TPO: variants seen among roughly 807,000 people sequenced by gnomAD.
TPO encodes the protein thyroid microsomal antigen.
TPO carries 78 observed loss-of-function variants against 96.9 expected under a neutral mutation model. The ratio of observed to expected loss-of-function variants is 0.81; its 90% CI spans 0.67 to 0.97. The LOEUF (loss-of-function observed/expected upper bound fraction) is 0.97, where lower values mean the gene tolerates loss of function less well. TPO is among the 50% of genes least tolerant of loss of function. TPO has a pLI of 0.00. For missense variants in TPO, 1,252 were observed against 1,274.8 expected, an observed-to-expected ratio of 0.98 and a Z score of 0.27; for synonymous variants, 547 against 538.0, an observed-to-expected ratio of 1.02 and a Z score of -0.23.
At chr2:1,541,057 TTAAA>T in intron 16 of TPO, 1 of 1,265,556 alleles carries the variant, frequency 7.9e-7, no homozygotes, top group Non-Finnish European at 1.0e-6. Flanking sequence ...ACCCTGACTT[TTAAA>T]TTCTGATTTT....
chr2:1,386,893 T>G (rs1373099434), intron 1 of TPO, among the ~76,000 whole-genome samples: 2 of 152,228 alleles, frequency 1.3e-5, no homozygotes, highest in Non-Finnish European at 2.9e-5. Context: ...AGGAACTCTT[T>G]TAGGGCAGGC....
At chr2:1,525,185 CGCCCAAGTCCCCCCACTGTGCAACCT>C (rs1558406748) in intron 15 of TPO, among the ~76,000 whole-genome samples, 1 of 131,216 alleles carries the variant, frequency 7.6e-6, no homozygotes, top group Non-Finnish European at 1.7e-5. Context: ...GTGTGCAATC[CGCCCAAGTCCCCCCACTGTGCAACCT>C]GCTCAAATCC....
Position 1,415,636 on chromosome 2 carries a change from C to G in TPO, c.94+1134C>G, listed in dbSNP as rs557531184. Among the ~76,000 whole-genome samples the G allele has an allele frequency of 5.3e-5, 8 of 151,370 alleles. No individual in the cohort carries two copies. The South Asian group carries it at 1.7e-3, about 32-fold the overall frequency. On this transcript the variant is annotated intron_variant, in intron 2 of 16. Coordinates refer to ENST00000329066, the MANE Select transcript of TPO (RefSeq NM_001206744.2). ...AGGTCCCTGGGCCTCTGCACATAGT[C>G]CCGGAGCCCCTGGAGCAGGTGACAC...
rs1222674096 is a variant in TPO, at chr2:1,496,179, A to AGG, written c.2199_2200dup (p.Glu734GlyfsTer65). The stretch of plus-strand genomic sequence containing the variant: ...CACTGGCATGAACCTGGAGGCCTGG[A>AGG]GGGAAACCTTTCCTCAAGGTGAAGT... On this transcript the variant is annotated frameshift_variant, in exon 12 of 17. Coordinates refer to ENST00000329066, the MANE Select transcript of TPO (RefSeq NM_001206744.2). LOFTEE classifies it high-confidence loss of function. 3 of 1,613,950 alleles carry AGG rather than the reference A, an allele frequency of 1.9e-6. No individual in the cohort carries two copies. The highest frequency in any genetic ancestry group is 1.7e-6 in the Non-Finnish European group (2 of 1,180,018).
intron 13 of TPO, among the ~76,000 whole-genome samples, chr2:1,503,159 TC>T (rs1673044394): frequency 6.6e-6 from 1 of 152,144 alleles, no homozygotes; most frequent in South Asian, 2.1e-4. Flanking sequence ...TCTAGGGATG[TC>T]GTCAGCACCA....
chr2:1,484,974 G>T (rs1185509547), intron 9 of TPO, 120 bp downstream of exon 9: 8 of 1,463,508 alleles, frequency 5.5e-6, no homozygotes, highest in South Asian at 1.3e-5. Context: ...TGTTACGTAG[G>T]GTATACATGT....
rs543921082 is a variant in TPO at position 1,497,991 on chromosome 2, C to CAAAAAAAAAAAA, written c.2386+1236_2386+1247dup. On this transcript the variant is annotated intron_variant, in intron 13 of 16. Transcript: ENST00000329066. ...AGAAAAATAGTGAAACCCCATCTAC[C>CAAAAAAAAAAAA]AAAAAAAAAAAAAAAAAAAAAGTGG... Among the ~76,000 whole-genome samples the CAAAAAAAAAAAA allele has an allele frequency of 2.8e-4, 24 of 87,264 alleles. 1 individual carries two copies. Among genetic ancestry groups the CAAAAAAAAAAAA allele is most frequent in the African/African-American group, 1.0e-3 (22 of 21,142 alleles). 57.2% of individuals were successfully genotyped at this position (87,264 alleles called of 152,430 possible).
rs775265404 is a variant in TPO, at chr2:1,477,370, G to A, written c.1104G>A (p.Pro368=). The change falls in exon 8 of 17, where the codon CCG becomes CCA. Residue 368 remains proline, a synonymous_variant. Coordinates refer to ENST00000329066, the MANE Select transcript of TPO (RefSeq NM_001206744.2). ...DSGRAYLPFV[P]PRAPAACAPE... ...GCCGCGCCTACCTGCCCTTCGTGCC[G>A]CCACGCGCGCCTGCGGCCTGTGCGC... 3.9e-6 allele frequency: 6 copies of A among 1,534,306 alleles called. No homozygotes were observed. In the African/African-American group the frequency reaches 6.9e-5, roughly 18 times the overall value.
At chr2:1,505,473 C>A (rs1480723049) in intron 14 of TPO, among the ~76,000 whole-genome samples, 1 of 94,792 alleles carries the variant, frequency 1.1e-5, no homozygotes, top group Non-Finnish European at 2.0e-5. Context: ...CTGTGTCAGG[C>A]GCATCCCCCC....
At chr2:1,439,924 G>A (rs924240167) in intron 5 of TPO, among the ~76,000 whole-genome samples, 3 of 152,082 alleles carry the variant, frequency 2.0e-5, no homozygotes, top group Admixed American at 1.3e-4. Context: ...CCTAACTTTT[G>A]CCTTGCTCAG....
At chr2:1,411,831 C>T (rs1310216413), upstream of TPO, among the ~76,000 whole-genome samples, 1 of 152,212 alleles carries the variant, frequency 6.6e-6, no homozygotes, top group Admixed American at 6.5e-5. Context: ...TGTGCTAACA[C>T]TAAGGCCAGT....
chr2:1,503,827 T>A (rs1673123786), intron 13 of TPO, 121 bp from the exon 14 acceptor site: 1 of 1,572,046 alleles, frequency 6.4e-7, no homozygotes, highest in East Asian at 2.3e-5. Flanking sequence ...CTAGACCAGG[T>A]GGGATGGCAG....
rs568907974 is a variant in TPO at position 1,488,494 on chromosome 2, G to A, written c.1768+503G>A. ...CCCCTGTGCTCCCCACACCCCACCC[G>A]GCTCCTGCCTTTCCCAGGCCCCACC... On this transcript the variant is annotated intron_variant, in intron 10 of 16. Coordinates refer to ENST00000329066, the MANE Select transcript of TPO (RefSeq NM_001206744.2). 3.2e-4 allele frequency among the ~76,000 whole-genome samples: 48 copies of A among 151,924 alleles called. No homozygotes were observed. In the South Asian group the frequency reaches 7.3e-3, roughly 23 times the overall value.
At chr2:1,415,045 G>T (rs1405399095) in intron 2 of TPO, among the ~76,000 whole-genome samples, 1 of 152,240 alleles carries the variant, frequency 6.6e-6, no homozygotes, top group Non-Finnish European at 1.5e-5. Context: ...CCGGGAGCAG[G>T]TGACACCTCG....
intron 5 of TPO, among the ~76,000 whole-genome samples, chr2:1,450,320 T>C (rs1211840900): frequency 1.1e-4 from 16 of 152,176 alleles, no homozygotes; most frequent in Non-Finnish European, 2.4e-4. Context: ...GTTTAGAATT[T>C]CTTCTTTTTG....
chr2:1,444,487 G>A (rs1294379563), intron 5 of TPO, among the ~76,000 whole-genome samples: 6 of 82,538 alleles, frequency 7.3e-5, no homozygotes, highest in African/African-American at 2.9e-4. Context: ...AGGAGGTACT[G>A]TGTTGGAAGG....
rs78137438 is a variant in TPO at position 1,429,510 on chromosome 2, G to A, written c.180-3928G>A. On this transcript the variant is annotated intron_variant, in intron 3 of 16. Coordinates refer to ENST00000329066, the MANE Select transcript of TPO (RefSeq NM_001206744.2). ...TGGCTTTGGAACTGTGTAATGGCAG[G>A]GGTTGGAAGAGTTTGGAGGGCTGAG... 9.8e-3 allele frequency among the ~76,000 whole-genome samples: 1,496 copies of A among 152,300 alleles called. 13 individuals are homozygous for A. The highest frequency in any genetic ancestry group is 0.034 in the African/African-American group (1,416 of 41,544).
At chr2:1,504,922 C>T (rs1011203468) in intron 14 of TPO, among the ~76,000 whole-genome samples, 1 of 152,120 alleles carries the variant, frequency 6.6e-6, no homozygotes, top group African/African-American at 2.4e-5. Flanking sequence ...CAGAAAGAAC[C>T]AAGTGCAAGG....
chr2:1,380,123 G>A (rs770794425), intron 1 of TPO, among the ~76,000 whole-genome samples: 3 of 152,044 alleles, frequency 2.0e-5, no homozygotes, highest in Admixed American at 1.3e-4. Flanking sequence ...GGCCAGGTGC[G>A]GTGGCTCACG....
Sources: gnomAD v4.1 joint callset for allele counts (sites outside exome capture counted in the v4.1 genomes callset) on GRCh38, gnomAD v4.1.1 for gene constraint, MANE v1.5 for transcripts, NCBI Gene and HGNC (gene_info 2026-07-23, HGNC 2026-07-21) for gene names.